The following FDX1 variants were observed in gnomAD, a reference collection of about 807,000 sequenced individuals.
The protein encoded by FDX1 is ferredoxin 1, also known as adrenodoxin, mitochondrial.
Under a neutral mutation model 14.9 loss-of-function variants are expected in FDX1, and 9 were observed. The observed-to-expected ratio is 0.60, with a 90% confidence interval of 0.36 to 1.05. The LOEUF is 1.05. FDX1 is among the 50% of genes least tolerant of loss of function. The probability of loss-of-function intolerance (pLI) is 0.01; values close to 1 mark genes in which losing one functional copy is unlikely to be tolerated. For synonymous variants in FDX1, 92 were observed against 99.4 expected (o/e 0.93, Z 0.44); for missense variants, 204 against 237.2 (o/e 0.86, Z 0.92).
intron 2 of FDX1, among the ~76,000 whole-genome samples, chr11:110,441,806 CCT>C (rs1946405947): frequency 6.6e-6 from 1 of 152,166 alleles, no homozygotes; most frequent in South Asian, 2.1e-4. Context: ...AAAGTTAATC[CCT>C]GAGATACTGG....
chr11:110,437,099 G>A (rs1946375038), intron 2 of FDX1, among the ~76,000 whole-genome samples: 1 of 152,162 alleles, frequency 6.6e-6, no homozygotes, highest in Non-Finnish European at 1.5e-5. Context: ...GGACTCAAGT[G>A]ATCCTCCTGA....
intron 2 of FDX1, among the ~76,000 whole-genome samples, chr11:110,439,596 A>G (rs1004224378): frequency 6.6e-6 from 1 of 152,074 alleles, no homozygotes; most frequent in Non-Finnish European, 1.5e-5. Flanking sequence ...CCTTTGTTGG[A>G]TGCATAGATT....
intron 2 of FDX1, among the ~76,000 whole-genome samples, chr11:110,456,473 CCT>C (rs1387862465): frequency 6.6e-6 from 1 of 150,824 alleles, no homozygotes; most frequent in African/African-American, 2.4e-5. Context: ...GCTTGTTGCC[CCT>C]GTTCTGTTCA....
In FDX1 at chr11:110,430,047, CCCCG is replaced by C. The variant is rs1488924844; in HGVS notation, c.-71_-68del. 1.0e-5 allele frequency: 11 copies of C among 1,089,324 alleles called. No individual in the cohort carries two copies. In the African/African-American group the frequency reaches 1.8e-4, roughly 18 times the overall value. The allele number at this position is 1,089,324 out of a possible 1,614,324, so 67.5% of individuals were successfully genotyped here. A position where few individuals can be genotyped will look rare whatever the true frequency, so the allele number is the denominator to read the frequency against. On this transcript the variant is annotated 5_prime_UTR_variant, in exon 1 of 4. Transcript: ENST00000260270. Reference sequence around the variant, plus strand: ...CGGGCGTCTGCGCCGCAGCTGCCGCCCCCGCCTCTTTGGAGTCTCTCGCGGCCTC... The same window carrying C: ...CGGGCGTCTGCGCCGCAGCTGCCGCCCCTCTTTGGAGTCTCTCGCGGCCTC...
chr11:110,455,337 A>G (rs1156935593), intron 2 of FDX1, among the ~76,000 whole-genome samples: 2 of 152,106 alleles, frequency 1.3e-5, no homozygotes, highest in Non-Finnish European at 2.9e-5. Flanking sequence ...TAAATAATAA[A>G]TGCTTAAATT....
intron 1 of FDX1, among the ~76,000 whole-genome samples, chr11:110,433,240 A>G (rs1946342559): frequency 1.3e-5 from 2 of 152,232 alleles, no homozygotes; most frequent in African/African-American, 4.8e-5. Context: ...TCAAATCTCT[A>G]GACTTCTCTG....
intron 2 of FDX1, among the ~76,000 whole-genome samples, chr11:110,446,892 G>A (rs914028212): frequency 6.6e-6 from 1 of 152,192 alleles, no homozygotes; most frequent in African/African-American, 2.4e-5. Context: ...AAAGCCATGA[G>A]TGGGCCAGGC....
At chr11:110,456,802 C>A in intron 2 of FDX1, 116 bp from the exon 3 acceptor site, 2 of 1,134,414 alleles carry the variant, frequency 1.8e-6, no homozygotes, top group Non-Finnish European at 2.4e-6. Flanking sequence ...AGCCACTGTG[C>A]CCGGCCTCAC....
At chr11:110,436,222 G>T (rs953344244) in intron 2 of FDX1, among the ~76,000 whole-genome samples, 2 of 152,128 alleles carry the variant, frequency 1.3e-5, no homozygotes, top group Non-Finnish European at 2.9e-5. Flanking sequence ...ATACAAAGCC[G>T]ACGGTAGGGA....
At chr11:110,448,462 G>T (rs1295337289) in intron 2 of FDX1, among the ~76,000 whole-genome samples, 1 of 152,156 alleles carries the variant, frequency 6.6e-6, no homozygotes, top group Non-Finnish European at 1.5e-5. Flanking sequence ...TGTCAGCATC[G>T]TAGTAGATAA....
At chr11:110,453,569 T>C (rs563192489) in intron 2 of FDX1, among the ~76,000 whole-genome samples, 33 of 151,846 alleles carry the variant, frequency 2.2e-4, no homozygotes, top group African/African-American at 6.8e-4. Context: ...TTTTTTTTTT[T>C]CCTCCTAAAT....
At position 110,430,010 on chromosome 11, in the gene FDX1, C is replaced by A; in HGVS notation, c.-111C>A. 3 of 762,700 alleles carry A rather than the reference C, an allele frequency of 3.9e-6. No homozygotes were observed. Among genetic ancestry groups the A allele is most frequent in the African/African-American group, 1.8e-5 (1 of 54,542 alleles). 47.2% of individuals were successfully genotyped at this position (762,700 alleles called of 1,614,324 possible). On this transcript the variant is annotated 5_prime_UTR_variant, in exon 1 of 4. Coordinates refer to ENST00000260270, the MANE Select transcript of FDX1 (RefSeq NM_004109.5). ...TCCGCCACTCCAGCCCCGCGCCCCTCGCCGCGGCCCTCGGGCGTCTGCGCC... is the reference window on the plus strand; with the variant it reads ...TCCGCCACTCCAGCCCCGCGCCCCTAGCCGCGGCCCTCGGGCGTCTGCGCC...
At chr11:110,450,055 A>C (rs1254095116) in intron 2 of FDX1, among the ~76,000 whole-genome samples, 1 of 152,194 alleles carries the variant, frequency 6.6e-6, no homozygotes, top group East Asian at 1.9e-4. Flanking sequence ...TTTCTAAGGC[A>C]GTGGCCCCCA....
chr11:110,437,138 G>A (rs1465032689), intron 2 of FDX1, among the ~76,000 whole-genome samples: 4 of 152,102 alleles, frequency 2.6e-5, no homozygotes, highest in Admixed American at 2.6e-4. Context: ...TGGGACTGCA[G>A]GTGCACCATC....
At chr11:110,462,321 T>C in intron 3 of FDX1, 33 bp from the exon 4 acceptor site, 1 of 1,245,982 alleles carries the variant, frequency 8.0e-7, no homozygotes. Flanking sequence ...ATATACGTAA[T>C]ACTAAACCAT....
At chr11:110,445,050 A>G (rs1433643278) in intron 2 of FDX1, among the ~76,000 whole-genome samples, 1 of 152,042 alleles carries the variant, frequency 6.6e-6, no homozygotes, top group East Asian at 1.9e-4. Flanking sequence ...TTTGATAGGA[A>G]TAGTGTTGAA....
At chr11:110,432,303 T>C (rs1946336983) in intron 1 of FDX1, among the ~76,000 whole-genome samples, 1 of 152,130 alleles carries the variant, frequency 6.6e-6, no homozygotes, top group South Asian at 2.1e-4. Flanking sequence ...GACAATTCTA[T>C]GAGGTAGGGA....
rs1378240846 is a variant in FDX1 at position 110,463,346 on chromosome 11, G to T, written c.*878G>T. The T allele has an allele frequency of 3.9e-5, 6 of 152,250 alleles. No individual in the cohort carries two copies. Among genetic ancestry groups the T allele is most frequent in the African/African-American group, 9.6e-5 (4 of 41,452 alleles). 9.4% of individuals were successfully genotyped at this position (152,250 alleles called of 1,614,324 possible). ...GCCCCAGGTGGCGCCATTCTCTCACGCAAGGATGGGGCTGCAGGGTGAGCA... is the reference window on the plus strand; with the variant it reads ...GCCCCAGGTGGCGCCATTCTCTCACTCAAGGATGGGGCTGCAGGGTGAGCA... On this transcript the variant is annotated 3_prime_UTR_variant, in exon 4 of 4. Coordinates refer to ENST00000260270, the MANE Select transcript of FDX1 (RefSeq NM_004109.5).
intron 3 of FDX1, among the ~76,000 whole-genome samples, chr11:110,460,113 T>C (rs1351947505): frequency 2.0e-5 from 3 of 152,254 alleles, no homozygotes; most frequent in Non-Finnish European, 4.4e-5. Flanking sequence ...TTTGTCCAAA[T>C]TGGCTTGCCA....
Sources: allele counts gnomAD v4.1 joint callset (sites outside exome capture counted in the v4.1 genomes callset), GRCh38; gene constraint gnomAD v4.1.1; transcripts MANE v1.5; gene names NCBI Gene and HGNC (gene_info 2026-07-23, HGNC 2026-07-21).